OXR1: variants seen among roughly 807,000 people sequenced by gnomAD.
OXR1 encodes the protein oxidation resistance protein 1.
In OXR1, 41 loss-of-function variants were observed where a neutral mutation model predicts 104.6. That is an observed-to-expected ratio of 0.39 (90% CI 0.31 to 0.51). The LOEUF (loss-of-function observed/expected upper bound fraction) is 0.51, where lower values mean the gene tolerates loss of function less well. OXR1 is among the 20% of genes least tolerant of loss of function. The probability of loss-of-function intolerance (pLI) is 0.77; values close to 1 mark genes in which losing one functional copy is unlikely to be tolerated. For missense variants in OXR1, 955 were observed against 1,031.9 expected, an observed-to-expected ratio of 0.93 and a Z score of 1.02; for synonymous variants, 348 against 348.4, an observed-to-expected ratio of 1.00 and a Z score of 0.01.
At chr8:106,677,784 C>T (rs891991828) in intron 3 of OXR1, among the ~76,000 whole-genome samples, 1 of 151,938 alleles carries the variant, frequency 6.6e-6, no homozygotes, top group African/African-American at 2.4e-5. Flanking sequence ...TGTATCTCTG[C>T]ATACTATTTT....
chr8:106,289,631 A>G (rs1164587500), intron 1 of OXR1, among the ~76,000 whole-genome samples: 2 of 152,336 alleles, frequency 1.3e-5, no homozygotes, highest in Non-Finnish European at 2.9e-5. Context: ...CAAACCATCA[A>G]TGTAATTCTT....
intron 1 of OXR1, among the ~76,000 whole-genome samples, chr8:106,328,739 C>A (rs955386277): frequency 1.3e-5 from 2 of 152,186 alleles, no homozygotes; most frequent in Non-Finnish European, 2.9e-5. Flanking sequence ...AGTAACATAA[C>A]AAGATCACCA....
At chr8:106,457,842 A>G (rs1020081736) in intron 2 of OXR1, among the ~76,000 whole-genome samples, 11 of 152,222 alleles carry the variant, frequency 7.2e-5, no homozygotes, top group Non-Finnish European at 7.3e-5. Flanking sequence ...GTGCCTGAGG[A>G]CTATATGGAA....
intron 1 of OXR1, among the ~76,000 whole-genome samples, chr8:106,308,025 C>T (rs1436322736): frequency 6.7e-6 from 1 of 149,352 alleles, no homozygotes; most frequent in African/African-American, 2.6e-5. Context: ...CACACACACA[C>T]ATACACACAC....
At chr8:106,297,475 T>C (rs1315589243) in intron 1 of OXR1, among the ~76,000 whole-genome samples, 1 of 152,206 alleles carries the variant, frequency 6.6e-6, no homozygotes, top group Non-Finnish European at 1.5e-5. Context: ...ACACCTTGGC[T>C]ATATGGTATA....
chr8:106,334,840 A>G (rs901325612), intron 1 of OXR1, among the ~76,000 whole-genome samples: 1 of 152,146 alleles, frequency 6.6e-6, no homozygotes, highest in Non-Finnish European at 1.5e-5. Flanking sequence ...AAAGCAGAAA[A>G]ATGCATATTT....
chr8:106,291,914 C>T (rs1476284093), intron 1 of OXR1, among the ~76,000 whole-genome samples: 1 of 152,070 alleles, frequency 6.6e-6, no homozygotes, highest in African/African-American at 2.4e-5. Flanking sequence ...AGGGAAAAAC[C>T]CACCTCCATG....
intron 2 of OXR1, among the ~76,000 whole-genome samples, chr8:106,496,539 A>G (rs577003686): frequency 1.3e-5 from 2 of 152,124 alleles, no homozygotes; most frequent in Admixed American, 6.6e-5. Context: ...CTCCAACATT[A>G]CTAGTACTAT....
intron 3 of OXR1, among the ~76,000 whole-genome samples, chr8:106,658,803 A>C (rs929827084): frequency 6.6e-6 from 1 of 152,024 alleles, no homozygotes; most frequent in Non-Finnish European, 1.5e-5. Context: ...GTGTTGGCCG[A>C]TTTTTTTCAC....
intron 3 of OXR1, among the ~76,000 whole-genome samples, chr8:106,677,295 AAATT>A (rs1157773304): frequency 6.6e-6 from 1 of 152,164 alleles, no homozygotes; most frequent in Non-Finnish European, 1.5e-5. Context: ...AAATAAAAAT[AAATT>A]CTTTAAAACT....
chr8:106,323,414 A>G (rs1814315456), intron 1 of OXR1, among the ~76,000 whole-genome samples: 1 of 152,236 alleles, frequency 6.6e-6, no homozygotes, highest in South Asian at 2.1e-4. Context: ...AAACCCTGGA[A>G]GACAAACTAG....
rs113020231 is a variant in OXR1 at position 106,601,581 on chromosome 8, G to A, written c.221-77629G>A. Among the ~76,000 whole-genome samples the A allele has an allele frequency of 6.6e-4, 101 of 152,154 alleles. No homozygotes were observed. In the East Asian group the frequency reaches 0.018, roughly 27 times the overall value. On this transcript the variant is annotated intron_variant, in intron 3 of 16. Coordinates refer to ENST00000517566, the MANE Select transcript of OXR1 (RefSeq NM_001198533.2). ...CATGATTTTACCTTCTAAAGGCTCC[G>A]TCTCCTAATATTATCCTATTGGATT...
intron 3 of OXR1, among the ~76,000 whole-genome samples, chr8:106,580,740 T>C (rs1202072567): frequency 6.6e-6 from 1 of 152,204 alleles, no homozygotes; most frequent in African/African-American, 2.4e-5. Context: ...ACACTTGCTA[T>C]TGTCTGTAAA....
rs542703096 is a variant in OXR1, at chr8:106,707,205, C to G, written c.1624+60C>G. On this transcript the variant is annotated intron_variant, in intron 9 of 16. Transcript: ENST00000517566. ...CAATTGTATGGTGTCTCCGTCTTTC[C>G]TCACTGACTCAAAAGCCGCTGTACC... The G allele has an allele frequency of 5.8e-5, 88 of 1,513,318 alleles. No individual in the cohort carries two copies. In the African/African-American group the frequency reaches 1.2e-3, roughly 20 times the overall value. The allele number at this position is 1,513,318 out of a possible 1,614,324, so 93.7% of individuals were successfully genotyped here.
At chr8:106,546,269 T>A (rs190639875) in intron 3 of OXR1, among the ~76,000 whole-genome samples, 29 of 152,308 alleles carry the variant, frequency 1.9e-4, no homozygotes, top group Non-Finnish European at 3.7e-4. Context: ...TGCTTAGCTT[T>A]CATCGTGAAT....
chr8:106,711,380 A>G (rs1831671408), intron 10 of OXR1, among the ~76,000 whole-genome samples: 1 of 152,130 alleles, frequency 6.6e-6, no homozygotes, highest in Admixed American at 6.6e-5. Flanking sequence ...TTCACTTAAA[A>G]TTACTTTAAC....
At chr8:106,696,106 C>T (rs1300459708) in intron 7 of OXR1, among the ~76,000 whole-genome samples, 1 of 152,142 alleles carries the variant, frequency 6.6e-6, no homozygotes, top group Non-Finnish European at 1.5e-5. Flanking sequence ...CCTCTATGCA[C>T]CACCTGTTCA....
chr8:106,689,727 A>G (rs1829089901), intron 6 of OXR1, among the ~76,000 whole-genome samples: 1 of 151,976 alleles, frequency 6.6e-6, no homozygotes, highest in South Asian at 2.1e-4. Context: ...AAGCTTGTGA[A>G]TATTTGTAAA....
At chr8:106,622,334 C>A (rs1485290911) in intron 3 of OXR1, among the ~76,000 whole-genome samples, 2 of 152,126 alleles carry the variant, frequency 1.3e-5, no homozygotes, top group Non-Finnish European at 2.9e-5. Flanking sequence ...CCACCCCAGT[C>A]AGTTTTCAGT....
Sources: allele counts gnomAD v4.1 joint callset (sites outside exome capture counted in the v4.1 genomes callset), GRCh38; gene constraint gnomAD v4.1.1; transcripts MANE v1.5; gene names NCBI Gene and HGNC (gene_info 2026-07-23, HGNC 2026-07-21).